RBFOX1: variants seen among roughly 807,000 people sequenced by gnomAD.
RBFOX1 encodes RNA binding protein fox-1 homolog 1.
RBFOX1 carries 8 observed loss-of-function variants against 57.7 expected under a neutral mutation model. That is an observed-to-expected ratio of 0.14 (90% CI 0.08 to 0.25). The LOEUF is 0.25. Ranked by LOEUF, RBFOX1 falls within the 10% of genes least tolerant of loss-of-function variation. The probability of loss-of-function intolerance (pLI) is 1.00; values close to 1 mark genes in which losing one functional copy is unlikely to be tolerated. For synonymous variants in RBFOX1, 326 were observed against 222.4 expected (o/e 1.47, Z -4.15); for missense variants, 611 against 548.5 (o/e 1.11, Z -1.14).
chr16:6,556,968 AAT>A (rs2097106179), intron 2 of RBFOX1, among the ~76,000 whole-genome samples: 1 of 148,254 alleles, frequency 6.7e-6, no homozygotes, highest in South Asian at 2.1e-4. Flanking sequence ...TATATATATA[AAT>A]ATACACACAT....
chr16:5,730,968 A>T (rs117254158), intron 3 of RBFOX1, among the ~76,000 whole-genome samples: 1 of 148,322 alleles, frequency 6.7e-6, no homozygotes, highest in Non-Finnish European at 1.5e-5. Context: ...CACCGTCATC[A>T]TCGTTACCGT....
At chr16:6,767,995 G>C (rs1331253528) in intron 3 of RBFOX1, among the ~76,000 whole-genome samples, 1 of 149,206 alleles carries the variant, frequency 6.7e-6, no homozygotes, top group East Asian at 1.9e-4. Context: ...AGAAATTATG[G>C]AGAAAACTGG....
intron 4 of RBFOX1, among the ~76,000 whole-genome samples, chr16:5,882,717 GCC>G (rs1464048341): frequency 1.3e-5 from 2 of 152,150 alleles, no homozygotes; most frequent in Non-Finnish European, 2.9e-5. Flanking sequence ...TGCAGCAGAG[GCC>G]CCATGTGCCA....
chr16:6,370,072 C>T (rs931632064), intron 2 of RBFOX1, among the ~76,000 whole-genome samples: 10 of 152,062 alleles, frequency 6.6e-5, no homozygotes, highest in Admixed American at 3.3e-4. Context: ...AGAACACATA[C>T]GCTGGGCCGG....
intron 2 of RBFOX1, among the ~76,000 whole-genome samples, chr16:6,507,737 A>G (rs2096142126): frequency 6.6e-6 from 1 of 152,158 alleles, no homozygotes; most frequent in Non-Finnish European, 1.5e-5. Context: ...CACATACAGT[A>G]TGATTCCACT....
At chr16:6,052,179 C>T (rs1019893963) in intron 1 of RBFOX1, among the ~76,000 whole-genome samples, 3 of 152,114 alleles carry the variant, frequency 2.0e-5, no homozygotes. Flanking sequence ...TCTTGGTGTC[C>T]CTCCGTTTCC....
chr16:5,553,852 T>A (rs1567223811), intron 2 of RBFOX1, among the ~76,000 whole-genome samples: 1 of 151,898 alleles, frequency 6.6e-6, no homozygotes, highest in Non-Finnish European at 1.5e-5. Flanking sequence ...CCTACATGAT[T>A]GAATTTAATT....
chr16:5,542,985 C>T (rs2045025812), intron 2 of RBFOX1, among the ~76,000 whole-genome samples: 1 of 152,128 alleles, frequency 6.6e-6, no homozygotes, highest in South Asian at 2.1e-4. Context: ...GTTGGAAAAC[C>T]TCACAGTTTA....
intron 4 of RBFOX1, among the ~76,000 whole-genome samples, chr16:5,897,450 C>A (rs1230960869): frequency 6.6e-6 from 1 of 152,194 alleles, no homozygotes; most frequent in African/African-American, 2.4e-5. Context: ...ATATTCCTAT[C>A]ATCACTACCT....
intron 1 of RBFOX1, among the ~76,000 whole-genome samples, chr16:6,233,379 G>C (rs970017660): frequency 6.6e-6 from 1 of 151,960 alleles, no homozygotes; most frequent in Admixed American, 6.6e-5. Context: ...CCCCCGGGTG[G>C]TTGCAGTGGG....
intron 3 of RBFOX1, among the ~76,000 whole-genome samples, chr16:5,640,394 A>T (rs992742168): frequency 6.6e-6 from 1 of 152,118 alleles, no homozygotes; most frequent in Non-Finnish European, 1.5e-5. Context: ...GCATGCATGC[A>T]TGCACATATA....
At chr16:5,323,310 C>T (rs949772636) in intron 1 of RBFOX1, among the ~76,000 whole-genome samples, 1 of 152,224 alleles carries the variant, frequency 6.6e-6, no homozygotes, top group African/African-American at 2.4e-5. Flanking sequence ...CTTTCTCCTC[C>T]CCTTCCTCTT....
intron 13 of RBFOX1, chr16:7,671,556 G>C (rs762036164): frequency 1.2e-6 from 2 of 1,608,630 alleles, no homozygotes; most frequent in African/African-American, 1.3e-5. Context: ...TTTCCTTATA[G>C]AGTAGTGTAT....
At chr16:7,387,325 T>C (rs1379007391) in intron 4 of RBFOX1, among the ~76,000 whole-genome samples, 1 of 152,302 alleles carries the variant, frequency 6.6e-6, no homozygotes, top group Admixed American at 6.5e-5. Flanking sequence ...ATAAGAAAAC[T>C]GAGACCCAGG....
chr16:6,702,157 C>T (rs960741636), intron 3 of RBFOX1, among the ~76,000 whole-genome samples: 2 of 152,168 alleles, frequency 1.3e-5, no homozygotes, highest in Non-Finnish European at 2.9e-5. Flanking sequence ...CGGAACCAAG[C>T]CGTTCATAAG....
chr16:5,920,433 G>T (rs1392277017), intron 4 of RBFOX1, among the ~76,000 whole-genome samples: 1 of 152,136 alleles, frequency 6.6e-6, no homozygotes, highest in East Asian at 1.9e-4. Flanking sequence ...GGTCTGTTTG[G>T]GGACCTGTTT....
intron 1 of RBFOX1, among the ~76,000 whole-genome samples, chr16:5,241,510 C>T (rs1319182755): frequency 1.3e-5 from 2 of 152,198 alleles, no homozygotes; most frequent in African/African-American, 2.4e-5. Flanking sequence ...ACCTAGGGAA[C>T]GTGAGTGTGG....
At chr16:7,597,270 T>C (rs1279700753) in intron 8 of RBFOX1, 101 bp from the exon 9 acceptor site, 1 of 801,680 alleles carries the variant, frequency 1.2e-6, no homozygotes, top group Non-Finnish European at 1.9e-6. Flanking sequence ...TACTTTTTAG[T>C]TTTCTTTTTT....
At chr16:5,568,185 T>C (rs1265877717) in intron 2 of RBFOX1, among the ~76,000 whole-genome samples, 2 of 152,152 alleles carry the variant, frequency 1.3e-5, no homozygotes, top group Non-Finnish European at 2.9e-5. Context: ...GCCCTCTCCT[T>C]CCTCGAATCC....
Sources: gnomAD v4.1 joint callset for allele counts (sites outside exome capture counted in the v4.1 genomes callset) on GRCh38, gnomAD v4.1.1 for gene constraint, MANE v1.5 for transcripts, NCBI Gene and HGNC (gene_info 2026-07-23, HGNC 2026-07-21) for gene names.